The following NR3C2 variants were observed in gnomAD, a reference collection of about 807,000 sequenced individuals.
NR3C2 encodes nuclear receptor subfamily 3 group C member 2, also known as mineralocorticoid receptor.
A neutral mutation model predicts 86.4 loss-of-function variants in NR3C2; 15 were observed. The ratio of observed to expected loss-of-function variants is 0.17; its 90% confidence interval spans 0.12 to 0.27. NR3C2 has a LOEUF of 0.27. Among genes scored for constraint, NR3C2 ranks in the 10% least tolerant of loss-of-function variants. The pLI, the probability that NR3C2 is intolerant of heterozygous loss-of-function variation, is 1.00. For missense variants in NR3C2, 960 were observed against 1,195.6 expected (o/e 0.80, Z 2.91); for synonymous variants, 458 against 450.5 (o/e 1.02, Z -0.21).
At chr4:148,411,122 G>A (rs1042210924) in intron 2 of NR3C2, among the ~76,000 whole-genome samples, 4 of 151,888 alleles carry the variant, frequency 2.6e-5, no homozygotes, top group Non-Finnish European at 2.9e-5. Flanking sequence ...TCAACTGCCC[G>A]TCCCCCACCC....
intron 8 of NR3C2, among the ~76,000 whole-genome samples, chr4:148,086,501 G>C (rs1233208065): frequency 1.3e-5 from 2 of 152,218 alleles, no homozygotes; most frequent in African/African-American, 4.8e-5. Context: ...TTGAGAGGCT[G>C]AGGTGGGCGG....
chr4:148,384,819 G>C (rs1047144638), intron 2 of NR3C2, among the ~76,000 whole-genome samples: 10 of 152,116 alleles, frequency 6.6e-5, no homozygotes, highest in African/African-American at 1.7e-4. Context: ...TCAGTAACTA[G>C]GCTTACTGAA....
chr4:148,247,784 G>A (rs1349944464), intron 3 of NR3C2, among the ~76,000 whole-genome samples: 1 of 151,764 alleles, frequency 6.6e-6, no homozygotes, highest in African/African-American at 2.4e-5. Context: ...TCCGGTTACT[G>A]CTTTATCCCA....
At chr4:148,431,797 C>T (rs1389968179) in intron 2 of NR3C2, among the ~76,000 whole-genome samples, 2 of 152,098 alleles carry the variant, frequency 1.3e-5, no homozygotes, top group Admixed American at 6.5e-5. Context: ...AACACTAATA[C>T]AAATAATGTA....
At chr4:148,109,377 A>G (rs938505357) in intron 8 of NR3C2, among the ~76,000 whole-genome samples, 2 of 152,176 alleles carry the variant, frequency 1.3e-5, no homozygotes, top group African/African-American at 4.8e-5. Flanking sequence ...TAGACACTCA[A>G]GTATTTGTTG....
At chr4:148,106,041 G>T (rs1421272929) in intron 8 of NR3C2, among the ~76,000 whole-genome samples, 1 of 152,126 alleles carries the variant, frequency 6.6e-6, no homozygotes, top group Non-Finnish European at 1.5e-5. Context: ...AAGATATAAA[G>T]GGTATTCAAA....
intron 2 of NR3C2, among the ~76,000 whole-genome samples, chr4:148,346,581 C>T (rs1045644713): frequency 1.3e-5 from 2 of 151,998 alleles, no homozygotes; most frequent in African/African-American, 4.8e-5. Context: ...ACTGTGGTAG[C>T]CACTAGCCAC....
rs182479266 is a variant in NR3C2, at chr4:148,088,957, G to C, written c.2800-7458C>G. On this transcript the variant is annotated intron_variant, in intron 8 of 8. Transcript: ENST00000358102. ...TAGTTAGTTCTATATTCCATTATGGGAAAAATGATTTTTGGTCATTTCCAA... is the reference window on the plus strand; with the variant it reads ...TAGTTAGTTCTATATTCCATTATGGCAAAAATGATTTTTGGTCATTTCCAA... 2.6e-3 allele frequency among the ~76,000 whole-genome samples: 396 copies of C among 152,156 alleles called. 3 individuals carry two copies. Among genetic ancestry groups the C allele is most frequent in the African/African-American group, 9.2e-3 (382 of 41,502 alleles).
chr4:148,252,599 C>T (rs1579069344), intron 3 of NR3C2, among the ~76,000 whole-genome samples: 1 of 152,162 alleles, frequency 6.6e-6, no homozygotes, highest in Non-Finnish European at 1.5e-5. Flanking sequence ...ACCAAAGTAG[C>T]TCATGAAAAT....
intron 4 of NR3C2, among the ~76,000 whole-genome samples, chr4:148,178,987 G>T (rs1735523689): frequency 6.7e-6 from 1 of 148,400 alleles, no homozygotes; most frequent in Middle Eastern, 3.5e-3. Flanking sequence ...GAAAGTCCTA[G>T]AAATTGAAAG....
chr4:148,420,638 G>A (rs148017192), intron 2 of NR3C2, among the ~76,000 whole-genome samples: 1 of 152,224 alleles, frequency 6.6e-6, no homozygotes, highest in African/African-American at 2.4e-5. Flanking sequence ...GACATAGTTT[G>A]GATCTCTGTC....
intron 2 of NR3C2, among the ~76,000 whole-genome samples, chr4:148,420,303 G>C (rs938384218): frequency 6.6e-6 from 1 of 152,182 alleles, no homozygotes; most frequent in Non-Finnish European, 1.5e-5. Context: ...AACCAAGCCT[G>C]AGGTGTACTT....
chr4:148,335,376 A>G (rs1010891663), intron 2 of NR3C2, among the ~76,000 whole-genome samples: 2 of 152,222 alleles, frequency 1.3e-5, no homozygotes, highest in African/African-American at 4.8e-5. Flanking sequence ...TACTAAACAA[A>G]TGTTTAACTA....
chr4:148,097,443 T>C (rs1731329200), intron 8 of NR3C2, among the ~76,000 whole-genome samples: 1 of 152,200 alleles, frequency 6.6e-6, no homozygotes, highest in Admixed American at 6.5e-5. Context: ...GAGCTGCCCC[T>C]GTAGGGTTGA....
At chr4:148,408,673 A>C (rs192786509) in intron 2 of NR3C2, among the ~76,000 whole-genome samples, 13 of 152,308 alleles carry the variant, frequency 8.5e-5, no homozygotes, top group Non-Finnish European at 1.5e-5. Flanking sequence ...TTAACTATTT[A>C]ATTATCTATT....
At chr4:148,404,657 T>C (rs1283085083) in intron 2 of NR3C2, among the ~76,000 whole-genome samples, 1 of 152,174 alleles carries the variant, frequency 6.6e-6, no homozygotes, top group East Asian at 1.9e-4. Flanking sequence ...AACATGGATC[T>C]TGATGAATTT....
chr4:148,125,055 G>C (rs1402692324), intron 6 of NR3C2, among the ~76,000 whole-genome samples: 6 of 152,042 alleles, frequency 3.9e-5, no homozygotes, highest in Admixed American at 3.9e-4. Context: ...AACATGTATT[G>C]TTTTGGCATG....
chr4:148,436,378 C>T lies in NR3C2; in HGVS notation c.483G>A (p.Leu161=). The T allele has an allele frequency of 6.2e-7, 1 of 1,614,222 alleles. No individual in the cohort carries two copies. Among genetic ancestry groups the T allele is most frequent in the Non-Finnish European group, 8.5e-7 (1 of 1,180,042 alleles). The change falls in exon 2 of 9, where the codon TTG becomes TTA. Residue 161 remains leucine (L), a synonymous_variant. Transcript: ENST00000358102. ...TCCCAGAGTCAGACATAAATGATCT[C>T]AAGGGCGTGTTCACACAACTTAGAG... ...PSTLSCVNTP[L]RSFMSDSGSS...
At chr4:148,362,185 C>T (rs1745871666) in intron 2 of NR3C2, among the ~76,000 whole-genome samples, 1 of 152,170 alleles carries the variant, frequency 6.6e-6, no homozygotes, top group African/African-American at 2.4e-5. Context: ...AGACATGTGG[C>T]GTATCCCAAG....
Sources: allele counts gnomAD v4.1 joint callset (sites outside exome capture counted in the v4.1 genomes callset), GRCh38; gene constraint gnomAD v4.1.1; transcripts MANE v1.5; gene names NCBI Gene and HGNC (gene_info 2026-07-23, HGNC 2026-07-21).